UNC5CL: variants seen among roughly 807,000 people sequenced by gnomAD.
UNC5CL encodes the protein UNC5C-like protein.
Under a neutral mutation model 54.1 loss-of-function variants are expected in UNC5CL, and 42 were observed. The ratio of observed to expected loss-of-function variants is 0.78; its 90% CI spans 0.61 to 1.00. The LOEUF is 1.00. Among genes scored for constraint, UNC5CL ranks in the 50% least tolerant of loss-of-function variants. The pLI is 0.00. For missense variants in UNC5CL, 619 were observed against 675.6 expected (o/e 0.92, Z 0.93); for synonymous variants, 285 against 285.1 (o/e 1.00, Z 0.00).
At chr6:41,034,626 G>C in intron 2 of UNC5CL, 64 bp downstream of exon 2, 1 of 1,545,698 alleles carries the variant, frequency 6.5e-7, no homozygotes, top group Non-Finnish European at 8.7e-7. Context: ...TGCTCCCTCA[G>C]ATGTGGTGAC....
chr6:41,032,245 A>C, intron 4 of UNC5CL, 108 bp from the exon 5 acceptor site: 3 of 873,522 alleles, frequency 3.4e-6, no homozygotes, highest in Non-Finnish European at 3.7e-6. Context: ...GAGGGTCTCA[A>C]GGGAATGGGA....
At position 41,028,646 on chromosome 6, in the gene UNC5CL, C is replaced by T; in HGVS notation, c.1335-51G>A. On this transcript the variant is annotated intron_variant, in intron 8 of 8. Transcript: ENST00000244565. The surrounding 1 kb of genome is among the most constrained non-coding windows in gnomAD (Gnocchi z 4.3). The stretch of plus-strand genomic sequence containing the variant: ...AAGGGTGTAGGAGCAGGGAGGGGCT[C>T]CCCCCCTGCTGCAGGCTCCCTGGGC... 1 of 1,523,220 alleles carries T rather than the reference C, an allele frequency of 6.6e-7. No homozygotes were observed. The highest frequency in any genetic ancestry group is 8.9e-7 in the Non-Finnish European group (1 of 1,117,390). The allele number at this position is 1,523,220 out of a possible 1,614,324, so 94.4% of individuals were successfully genotyped here.
At chr6:41,032,286 G>A (rs1764163065) in intron 4 of UNC5CL, 149 bp from the exon 5 acceptor site, 1 of 677,864 alleles carries the variant, frequency 1.5e-6, no homozygotes, top group African/African-American at 1.8e-5. Flanking sequence ...GACCCCAAGA[G>A]GGCCCTTGCA....
rs578130627 is a variant in UNC5CL, at chr6:41,031,968, G to A, written c.1051+68C>T. 116 of 1,520,110 alleles carry A rather than the reference G, an allele frequency of 7.6e-5. No homozygotes were observed. The African/African-American group carries it at 1.2e-3, about 16-fold the overall frequency. 94.2% of individuals were successfully genotyped at this position (1,520,110 alleles called of 1,614,324 possible). A position where few individuals can be genotyped will look rare whatever the true frequency, so the allele number is the denominator to read the frequency against. On this transcript the variant is annotated intron_variant, in intron 5 of 8. Transcript: ENST00000244565. ...GGTCTGCAGAGCTCCAGGGTTACTG[G>A]GAGGGAAGGAGAGGAGACAGGATGG...
At position 41,033,019 on chromosome 6, in the gene UNC5CL, T is replaced by C; in HGVS notation, c.814A>G (p.Asn272Asp). 2.5e-6 allele frequency: 4 copies of C among 1,609,232 alleles called. No individual in the cohort carries two copies. Among genetic ancestry groups the C allele is most frequent in the Non-Finnish European group, 3.4e-6 (4 of 1,177,870 alleles). The change falls in exon 4 of 9, where the codon AAC becomes GAC. Residue 272 changes from asparagine to aspartate, a missense_variant. Transcript: ENST00000244565. Reference sequence around the variant, plus strand: ...GCCCACTGCAGGGCGCAGGGCGTGTTGTTGAGGAAGTAGATACGCAGTTGC... The same window carrying C: ...GCCCACTGCAGGGCGCAGGGCGTGTCGTTGAGGAAGTAGATACGCAGTTGC... ...HLQLRIYFLNNTPCALQWALT... is the reference protein window; with the variant it reads ...HLQLRIYFLNDTPCALQWALT...
In UNC5CL at chr6:41,031,677, T is replaced by G. The variant is rs1223409732; in HGVS notation, c.1119+4A>C. 1 of 1,614,054 alleles carries G rather than the reference T, an allele frequency of 6.2e-7. No individual in the cohort carries two copies. The highest frequency in any genetic ancestry group is 1.3e-5 in the African/African-American group (1 of 75,028). ...CCTTCCTCTGCCCCTCAGCTCCAAC[T>G]CACATCCTGGAAGGTGTGCATGGTG... On this transcript the variant is annotated splice_donor_region_variant and intron_variant, in intron 6 of 8. Coordinates refer to ENST00000244565, the MANE Select transcript of UNC5CL (RefSeq NM_173561.3).
At chr6:41,038,566 C>T (rs1189439584) in intron 1 of UNC5CL, among the ~76,000 whole-genome samples, 1 of 152,174 alleles carries the variant, frequency 6.6e-6, no homozygotes, top group East Asian at 1.9e-4. Context: ...GGGAAAGGTC[C>T]GGAGTCTTGC....
At position 41,027,980 on chromosome 6, in the gene UNC5CL, T is replaced by G; in HGVS notation, c.*393A>C. The stretch of plus-strand genomic sequence containing the variant: ...GTGTGCTTGTCAGGGCTCCAGACCC[T>G]ACCTCCTATATTCCAGTATTCTTCA... On this transcript the variant is annotated 3_prime_UTR_variant, in exon 9 of 9. Coordinates refer to ENST00000244565, the MANE Select transcript of UNC5CL (RefSeq NM_173561.3). The G allele has an allele frequency of 5.3e-6, 1 of 190,260 alleles. No individual in the cohort carries two copies. Among genetic ancestry groups the G allele is most frequent in the Non-Finnish European group, 1.1e-5 (1 of 92,924 alleles). The allele number at this position is 190,260 out of a possible 1,614,324, so 11.8% of individuals were successfully genotyped here.
rs1055269562 is a variant in UNC5CL, at chr6:41,026,995, TAAC to T, written c.*1375_*1377del. ...ATTGTTTGCCTGCCTTTGAACAAAT[TAAC>T]AACACCTGTTTGCAAACAAAAGAAT... On this transcript the variant is annotated 3_prime_UTR_variant, in exon 9 of 9. Coordinates refer to ENST00000244565, the MANE Select transcript of UNC5CL (RefSeq NM_173561.3). The T allele has an allele frequency of 6.6e-6, 1 of 152,166 alleles. No individual in the cohort carries two copies. The highest frequency in any genetic ancestry group is 2.4e-5 in the African/African-American group (1 of 41,448). 9.4% of individuals were successfully genotyped at this position (152,166 alleles called of 1,614,324 possible).
rs1762489179 is a variant in UNC5CL at position 41,034,110 on chromosome 6, G to A, written c.457C>T (p.Leu153=). The part of the protein sequence containing the change: ...LVWDLSDAPS[L]SQAQGLVSPV... ...CTTACCAGCCCCTGGGCTTGGGACA[G>A]CGATGGGGCGTCCGACAGGTCCCAC... The change falls in exon 3 of 9, where the codon CTG becomes TTG. Residue 153 remains leucine (L), a synonymous_variant. Transcript: ENST00000244565. The A allele has an allele frequency of 6.2e-7, 1 of 1,613,998 alleles. No homozygotes were observed.
chr6:41,030,655 C>G lies in UNC5CL; in HGVS notation c.1220G>C (p.Arg407Thr). 1 of 1,614,124 alleles carries G rather than the reference C, an allele frequency of 6.2e-7. No homozygotes were observed. Among genetic ancestry groups the G allele is most frequent in the Non-Finnish European group, 8.5e-7 (1 of 1,180,008 alleles). Residue 407 changes from arginine to threonine, a missense_variant and splice_region_variant, in exon 7 of 9, where the codon AGG (arginine) becomes ACG (threonine). Transcript: ENST00000244565. ...PPVSQPPPCN[R>T]LPPELFEQLR... Reference sequence around the variant, plus strand: ...GCAGCCCAAGCAACCCCCGTCTCACCTATTGCATGGGGGCGGCTGGGAAAC... The same window carrying G: ...GCAGCCCAAGCAACCCCCGTCTCACGTATTGCATGGGGGCGGCTGGGAAAC...
At position 41,035,081 on chromosome 6, in the gene UNC5CL, G is replaced by A; in HGVS notation, c.-7C>T. 3 of 1,548,594 alleles carry A rather than the reference G, an allele frequency of 1.9e-6. No individual in the cohort carries two copies. The African/African-American group carries it at 4.1e-5, about 21-fold the overall frequency. On this transcript the variant is annotated 5_prime_UTR_variant, in exon 2 of 9. Transcript: ENST00000244565. ...AACTCTCCTGGGGGCACATTCGCCT[G>A]GTTACTCAATGCCGCTGGCTCTCCT...
intron 4 of UNC5CL, among the ~76,000 whole-genome samples, chr6:41,032,404 A>G (rs1156460243): frequency 6.6e-6 from 1 of 152,220 alleles, no homozygotes; most frequent in Non-Finnish European, 1.5e-5. Context: ...AGGGCTCAGT[A>G]GACAGCAGAG....
Position 41,030,247 on chromosome 6 carries a change from T to A in UNC5CL, c.1334+141A>T, listed in dbSNP as rs1000303208. 1.7e-5 allele frequency: 12 copies of A among 719,072 alleles called. No homozygotes were observed. The East Asian group carries it at 3.0e-4, about 18-fold the overall frequency. 44.5% of individuals were successfully genotyped at this position (719,072 alleles called of 1,614,324 possible). ...ACAGTGATTAATAGAGCTGCCCTTT[T>A]ATGGGAAATAGGGTGGACAGTAGCC... On this transcript the variant is annotated intron_variant, in intron 8 of 8. Transcript: ENST00000244565.
rs1207946368 is a variant in UNC5CL, at chr6:41,029,202, TCTCTTTCTCGC to T, written c.1335-618_1335-608del. Among the ~76,000 whole-genome samples the T allele has an allele frequency of 6.6e-6, 1 of 152,108 alleles. No individual in the cohort carries two copies. The highest frequency in any genetic ancestry group is 6.5e-5 in the Admixed American group (1 of 15,272). On this transcript the variant is annotated intron_variant, in intron 8 of 8. Transcript: ENST00000244565. This position sits in a 1 kb window ranked among gnomAD's most constrained non-coding sequence, Gnocchi z 4.1. Reference sequence around the variant, plus strand: ...CCTGAACCCCCTTAGCTCAGGCCTCTCTCTTTCTCGCCTTGCACACACTACACCCACAGCCA... The same window carrying T: ...CCTGAACCCCCTTAGCTCAGGCCTCTCTTGCACACACTACACCCACAGCCA...
Position 41,033,166 on chromosome 6 carries a change from C to T in UNC5CL, c.687-20G>A, listed in dbSNP as rs1762476889. 5 of 1,608,190 alleles carry T rather than the reference C, an allele frequency of 3.1e-6. No homozygotes were observed. Among genetic ancestry groups the T allele is most frequent in the African/African-American group, 2.7e-5 (2 of 74,864 alleles). ...TAGAGGCTGCAGAGGGAGCCAGTGG[C>T]AGGCACTAATGTGCAGGGAAGGCTA... On this transcript the variant is annotated intron_variant, in intron 3 of 8. Transcript: ENST00000244565.
In UNC5CL at chr6:41,032,039, C is replaced by G; in HGVS notation, c.1048G>C (p.Ala350Pro). Residue 350 changes from alanine to proline, a missense_variant, in exon 5 of 9, where the codon GCA becomes CCA. Transcript: ENST00000244565. ...ACACACAGGGCTCCCGGACTACCTG[C>G]TTTTCTCCGGAAGCAGAAGGAGCGG... The part of the protein sequence containing the change: ...PFRSFCFRRK[A>P]ADENEDCSAL... The G allele has an allele frequency of 3.7e-6, 6 of 1,614,092 alleles. No individual in the cohort carries two copies. The highest frequency in any genetic ancestry group is 5.1e-6 in the Non-Finnish European group (6 of 1,179,992).
At position 41,033,914 on chromosome 6, in the gene UNC5CL, C is replaced by CG. The variant is rs781582127; in HGVS notation, c.652dup (p.Arg218ProfsTer3). The stretch of plus-strand genomic sequence containing the variant: ...GGAGAGGTGGATGCGACACTCATCC[C>CG]GGGAGGCGTGGGCCCCCGGCCGCCC... On this transcript the variant is annotated frameshift_variant, in exon 3 of 9. Transcript: ENST00000244565. LOFTEE classifies it high-confidence loss of function. The CG allele has an allele frequency of 1.3e-4, 204 of 1,613,734 alleles. No homozygotes were observed. In the Middle Eastern group the frequency reaches 1.5e-3, roughly 12 times the overall value.
chr6:41,030,290 T>G, intron 8 of UNC5CL, 98 bp downstream of exon 8: 1 of 1,165,876 alleles, frequency 8.6e-7, no homozygotes, highest in South Asian at 1.3e-5. Flanking sequence ...GACTTTTAAG[T>G]CACTCCCTTG....
Sources: gnomAD v4.1 joint callset for allele counts (sites outside exome capture counted in the v4.1 genomes callset) on GRCh38, gnomAD v4.1.1 for gene constraint, Gnocchi (gnomAD v3.1) non-coding constraint, MANE v1.5 for transcripts, NCBI Gene and HGNC (gene_info 2026-07-23, HGNC 2026-07-21) for gene names.